The following SCYL3 variants were observed in gnomAD, a reference collection of about 807,000 sequenced individuals.
The protein encoded by SCYL3 is SCY1 like pseudokinase 3.
A neutral mutation model predicts 73.8 loss-of-function variants in SCYL3; 35 were observed. That is an observed-to-expected ratio of 0.47 (90% CI 0.36 to 0.63). SCYL3 has a LOEUF of 0.63. Ranked by LOEUF, SCYL3 falls within the 20% of genes least tolerant of loss-of-function variation. SCYL3 has a pLI of 0.00. For synonymous variants in SCYL3, 277 were observed against 295.2 expected, an observed-to-expected ratio of 0.94 and a Z score of 0.63; for missense variants, 712 against 798.9, an observed-to-expected ratio of 0.89 and a Z score of 1.31.
rs569601058 is a variant in SCYL3, at chr1:169,867,197, T to C, written c.738-224A>G. 4.6e-5 allele frequency among the ~76,000 whole-genome samples: 7 copies of C among 152,346 alleles called. No individual in the cohort carries two copies. In the East Asian group the frequency reaches 1.4e-3, roughly 29 times the overall value. On this transcript the variant is annotated intron_variant, in intron 7 of 12. Transcript: ENST00000367771. ...AAGAGATCTGTGACGAGGATACAAG[T>C]TTAAACACACATATGCTAACATGCT...
At chr1:169,855,518 G>C (rs1056549166) in intron 11 of SCYL3, among the ~76,000 whole-genome samples, 2 of 152,044 alleles carry the variant, frequency 1.3e-5, no homozygotes, top group African/African-American at 4.8e-5. Context: ...TATCATTCTT[G>C]GTACAATTTG....
chr1:169,855,114 T>C (rs556713369), intron 11 of SCYL3, 150 bp from the exon 12 acceptor site: 2 of 580,624 alleles, frequency 3.4e-6, no homozygotes, highest in Admixed American at 3.4e-5. Flanking sequence ...CAGCAGAACA[T>C]TACTCAAGAT....
chr1:169,853,589 G>A lies in SCYL3; in HGVS notation c.*124C>T, dbSNP rs1658709692. 10 of 965,940 alleles carry A rather than the reference G, an allele frequency of 1.0e-5. No homozygotes were observed. Among genetic ancestry groups the A allele is most frequent in the Non-Finnish European group, 1.3e-5 (8 of 632,732 alleles). The allele number at this position is 965,940 out of a possible 1,614,324, so 59.8% of individuals were successfully genotyped here. ...CTTCAGTTGGCACAGACTGGATAAT[G>A]AGCTCCTGGGATGGGAAAAGCAGGC... is the stretch of plus-strand genomic sequence containing the variant. On this transcript the variant is annotated 3_prime_UTR_variant, in exon 13 of 13. Transcript: ENST00000367771.
At chr1:169,865,120 A>G (rs929797245) in intron 8 of SCYL3, among the ~76,000 whole-genome samples, 1 of 152,198 alleles carries the variant, frequency 6.6e-6, no homozygotes, top group Non-Finnish European at 1.5e-5. Flanking sequence ...CTTTGTAGAT[A>G]ATAAAAGACA....
intron 3 of SCYL3, among the ~76,000 whole-genome samples, chr1:169,878,310 T>G (rs753937285): frequency 7.9e-5 from 12 of 152,264 alleles, no homozygotes; most frequent in Non-Finnish European, 1.5e-4. Context: ...ATTACACCTT[T>G]TCTTTGTTTT....
chr1:169,889,464 C>T (rs190494663), intron 1 of SCYL3, among the ~76,000 whole-genome samples: 71 of 151,816 alleles, frequency 4.7e-4, no homozygotes, highest in African/African-American at 3.9e-4. Flanking sequence ...GGAAAGAAAA[C>T]AGACAACTCA....
At chr1:169,871,456 A>T (rs1339512262) in intron 5 of SCYL3, among the ~76,000 whole-genome samples, 1 of 152,176 alleles carries the variant, frequency 6.6e-6, no homozygotes, top group African/African-American at 2.4e-5. Flanking sequence ...GCCACGTGGA[A>T]CTTTTGTAAA....
At chr1:169,882,135 G>T (rs1661316906) in intron 2 of SCYL3, among the ~76,000 whole-genome samples, 1 of 152,212 alleles carries the variant, frequency 6.6e-6, no homozygotes, top group Admixed American at 6.5e-5. Context: ...GGGAACTGGG[G>T]CTGCCCACGC....
chr1:169,884,578 A>G (rs1035144733), intron 2 of SCYL3, among the ~76,000 whole-genome samples: 13 of 152,216 alleles, frequency 8.5e-5, no homozygotes, highest in African/African-American at 2.2e-4. Context: ...ACTTATAGGC[A>G]TGAGCCACCT....
Position 169,852,453 on chromosome 1 carries a change from A to ACTCT in SCYL3, c.*1256_*1259dup, listed in dbSNP as rs1658499616. 1 of 292,022 alleles carries ACTCT rather than the reference A, an allele frequency of 3.4e-6. No homozygotes were observed. The highest frequency in any genetic ancestry group is 4.9e-5 in the South Asian group (1 of 20,248). The allele number at this position is 292,022 out of a possible 1,614,324, so 18.1% of individuals were successfully genotyped here. A position where few individuals can be genotyped will look rare whatever the true frequency, so the allele number is the denominator to read the frequency against. On this transcript the variant is annotated 3_prime_UTR_variant, in exon 13 of 13. Coordinates refer to ENST00000367771, the MANE Select transcript of SCYL3 (RefSeq NM_020423.7). ...CAACATTCTGATAAGTTTTAGTCAA[A>ACTCT]CTCTCATAAAAAGAAAATACATTTA...
At chr1:169,868,616 C>G (rs1351627443) in intron 7 of SCYL3, among the ~76,000 whole-genome samples, 1 of 152,196 alleles carries the variant, frequency 6.6e-6, no homozygotes, top group Non-Finnish European at 1.5e-5. Context: ...TAACTTACAA[C>G]TGTAAACCAG....
rs550726706 is a variant in SCYL3, at chr1:169,888,503, T to C, written c.165+173A>G. 1.2e-4 allele frequency among the ~76,000 whole-genome samples: 18 copies of C among 152,354 alleles called. No individual in the cohort carries two copies. The South Asian group carries it at 3.7e-3, about 32-fold the overall frequency. ...GCTACAGGTATGGTACCTGACCATGTCATGCAAATGGAAGATAGGCCCATG... is the reference window on the plus strand; with the variant it reads ...GCTACAGGTATGGTACCTGACCATGCCATGCAAATGGAAGATAGGCCCATG... On this transcript the variant is annotated intron_variant, in intron 2 of 12. Transcript: ENST00000367771.
intron 3 of SCYL3, among the ~76,000 whole-genome samples, chr1:169,878,087 A>G (rs75371037): frequency 0.03 from 4,534 of 152,312 alleles, 127 homozygotes; most frequent in South Asian, 0.11. Flanking sequence ...TCTTCTAGTA[A>G]TAGCAAATAT....
In SCYL3 at chr1:169,851,763, C is replaced by A; in HGVS notation, c.*1950G>T. On this transcript the variant is annotated 3_prime_UTR_variant, in exon 13 of 13. Coordinates refer to ENST00000367771, the MANE Select transcript of SCYL3 (RefSeq NM_020423.7). ...CTTAAATTATGTGGCCATTTCATATCTAGTAGAGTGCTAACATGTTGCTAT... is the reference window on the plus strand; with the variant it reads ...CTTAAATTATGTGGCCATTTCATATATAGTAGAGTGCTAACATGTTGCTAT... 1 of 1,587,490 alleles carries A rather than the reference C, an allele frequency of 6.3e-7. No individual in the cohort carries two copies. The highest frequency in any genetic ancestry group is 1.2e-5 in the South Asian group (1 of 85,956).
Position 169,854,482 on chromosome 1 carries a change from G to A in SCYL3, c.1795C>T (p.Leu599Phe). ...ATGGTGAATTCCTCTCCTAAACCAA[G>A]TTCTGATGGAACCTTAAGGGGCCTT... ...QERPLKVPSELGLGEEFTIQV... is the reference protein window; with the variant it reads ...QERPLKVPSEFGLGEEFTIQV... The change falls in exon 12 of 13, where the codon CTT (leucine) becomes TTT (phenylalanine). Residue 599 changes from leucine (L) to phenylalanine (F), a missense_variant. Physicochemically the swap from Leu to Phe is conservative, Grantham distance 22. This residue lies in a region of SCYL3 where 370 missense variants were observed against 350.8 expected (regional missense o/e 1.05). Transcript: ENST00000367771. 5 of 1,614,026 alleles carry A rather than the reference G, an allele frequency of 3.1e-6. No individual in the cohort carries two copies. The highest frequency in any genetic ancestry group is 4.2e-6 in the Non-Finnish European group (5 of 1,179,986).
intron 8 of SCYL3, among the ~76,000 whole-genome samples, chr1:169,865,626 T>C (rs1271229910): frequency 1.3e-5 from 2 of 152,184 alleles, no homozygotes; most frequent in East Asian, 3.8e-4. Flanking sequence ...TTGACCCCAT[T>C]TGCTTCTTCA....
At chr1:169,878,549 A>G in intron 3 of SCYL3, 85 bp downstream of exon 3, 1 of 1,148,580 alleles carries the variant, frequency 8.7e-7, no homozygotes, top group Non-Finnish European at 1.2e-6. Context: ...TATGAACACC[A>G]TAATTTATAA....
chr1:169,891,163 T>C (rs1246478721), intron 1 of SCYL3, among the ~76,000 whole-genome samples: 4 of 152,072 alleles, frequency 2.6e-5, no homozygotes, highest in Non-Finnish European at 5.9e-5. Context: ...TAGCCGAAGG[T>C]AGAAGGATGC....
intron 1 of SCYL3, among the ~76,000 whole-genome samples, chr1:169,891,877 A>G (rs574059233): frequency 4.1e-4 from 63 of 152,358 alleles, no homozygotes; most frequent in Middle Eastern, 3.4e-3. Context: ...TAGATTTCAT[A>G]TGAATTCCAC....
Sources: gnomAD v4.1 joint callset for allele counts (sites outside exome capture counted in the v4.1 genomes callset) on GRCh38, gnomAD v4.1.1 for gene constraint, gnomAD v4.1.1 regional missense constraint, MANE v1.5 for transcripts, NCBI Gene and HGNC (gene_info 2026-07-23, HGNC 2026-07-21) for gene names.